Variants in NUDCD1 observed in about 807,000 individuals in gnomAD.
NUDCD1 encodes the protein nudC domain-containing protein 1.
In NUDCD1, 60 loss-of-function variants were observed where a neutral mutation model predicts 67.8. That is an observed-to-expected ratio of 0.88 (90% CI 0.72 to 1.10). The LOEUF (loss-of-function observed/expected upper bound fraction) is 1.10, where lower values mean the gene tolerates loss of function less well. Among genes scored for constraint, NUDCD1 ranks in the 50% least tolerant of loss-of-function variants. The pLI is 0.00. For missense variants in NUDCD1, 643 were observed against 695.0 expected (o/e 0.93, Z 0.84); for synonymous variants, 244 against 230.8 (o/e 1.06, Z -0.52).
Position 109,296,365 on chromosome 8 carries a change from G to T in NUDCD1, c.459+19C>A. On this transcript the variant is annotated intron_variant, in intron 3 of 9. Transcript: ENST00000239690. Reference sequence around the variant, plus strand: ...CATATACTTTCTGGACTTCGCATAAGTCTTAAACAAACCCTCACCTCCCAT... The same window carrying T: ...CATATACTTTCTGGACTTCGCATAATTCTTAAACAAACCCTCACCTCCCAT... 5 of 1,603,192 alleles carry T rather than the reference G, an allele frequency of 3.1e-6. No homozygotes were observed. The highest frequency in any genetic ancestry group is 4.3e-6 in the Non-Finnish European group (5 of 1,170,606).
chr8:109,287,834 T>G (rs549225357), intron 5 of NUDCD1, among the ~76,000 whole-genome samples: 1 of 152,272 alleles, frequency 6.6e-6, no homozygotes. Flanking sequence ...GGATGTAGAC[T>G]AAAGGTAAAG....
chr8:109,305,203 C>T (rs1176993643), intron 2 of NUDCD1, among the ~76,000 whole-genome samples: 1 of 152,188 alleles, frequency 6.6e-6, no homozygotes, highest in Non-Finnish European at 1.5e-5. Flanking sequence ...TACCCACATG[C>T]CCCGAGTCAG....
chr8:109,309,368 C>A (rs1225369936), intron 2 of NUDCD1, among the ~76,000 whole-genome samples: 1 of 152,148 alleles, frequency 6.6e-6, no homozygotes, highest in Non-Finnish European at 1.5e-5. Context: ...ATCACATGAT[C>A]ATCTCAATAG....
At chr8:109,251,288 T>A (rs780169740) in intron 8 of NUDCD1, among the ~76,000 whole-genome samples, 64 of 151,184 alleles carry the variant, frequency 4.2e-4, no homozygotes, top group Admixed American at 8.6e-4. Context: ...ATTCTCTGCC[T>A]CAGTCTCTCG....
chr8:109,281,967 C>A (rs559528637), intron 5 of NUDCD1, among the ~76,000 whole-genome samples: 1 of 152,304 alleles, frequency 6.6e-6, no homozygotes, highest in Admixed American at 6.5e-5. Context: ...GCTCCAGGCA[C>A]CTGGAGCTCT....
intron 1 of NUDCD1, 31 bp from the exon 2 acceptor site, chr8:109,322,494 C>G: frequency 6.4e-7 from 1 of 1,558,338 alleles, no homozygotes; most frequent in Non-Finnish European, 8.8e-7. Context: ...ACATAAACAT[C>G]AAGAGTTTTG....
At chr8:109,332,481 G>A (rs1815830868) in intron 1 of NUDCD1, among the ~76,000 whole-genome samples, 1 of 152,198 alleles carries the variant, frequency 6.6e-6, no homozygotes, top group South Asian at 2.1e-4. Flanking sequence ...AGGAGACCAT[G>A]TGAAAGAATC....
intron 2 of NUDCD1, chr8:109,298,529 CTAAG>C (rs751978401): frequency 6.6e-6 from 1 of 152,046 alleles, no homozygotes; most frequent in Non-Finnish European, 1.5e-5. Context: ...GATCAAGTGT[CTAAG>C]TGTGTTAAAG....
At chr8:109,276,655 G>A (rs1814296384) in intron 6 of NUDCD1, among the ~76,000 whole-genome samples, 1 of 152,046 alleles carries the variant, frequency 6.6e-6, no homozygotes, top group Admixed American at 6.6e-5. Context: ...CCCAGATTTA[G>A]TTACATCTTT....
At chr8:109,304,446 T>A (rs1316030674) in intron 2 of NUDCD1, among the ~76,000 whole-genome samples, 2 of 152,190 alleles carry the variant, frequency 1.3e-5, no homozygotes, top group Non-Finnish European at 2.9e-5. Context: ...CAGGCTATGC[T>A]ATAGTATCTT....
intron 5 of NUDCD1, among the ~76,000 whole-genome samples, chr8:109,288,701 C>T (rs1814629301): frequency 6.6e-6 from 1 of 152,030 alleles, no homozygotes; most frequent in African/African-American, 2.4e-5. Context: ...TCTTTTATTT[C>T]TTTACTTTCT....
intron 2 of NUDCD1, among the ~76,000 whole-genome samples, chr8:109,319,995 G>C (rs1815494949): frequency 6.6e-6 from 1 of 152,190 alleles, no homozygotes; most frequent in Admixed American, 6.5e-5. Context: ...ATTTTCAAAA[G>C]GGGAGGGAGT....
chr8:109,303,595 CT>C (rs2130069538), intron 2 of NUDCD1, among the ~76,000 whole-genome samples: 1 of 152,196 alleles, frequency 6.6e-6, no homozygotes, highest in African/African-American at 2.4e-5. Context: ...AAATTATCTG[CT>C]TCCCTGACTA....
intron 8 of NUDCD1, among the ~76,000 whole-genome samples, chr8:109,267,886 G>A (rs1814040647): frequency 6.6e-6 from 1 of 152,146 alleles, no homozygotes; most frequent in African/African-American, 2.4e-5. Flanking sequence ...TTATTCAGAA[G>A]TAAGTACTAA....
intron 8 of NUDCD1, among the ~76,000 whole-genome samples, chr8:109,249,792 C>T (rs1190519254): frequency 2.0e-5 from 3 of 150,380 alleles, no homozygotes; most frequent in East Asian, 1.9e-4. Flanking sequence ...ATATAATTTA[C>T]GGAGAGACAT....
At position 109,293,344 on chromosome 8, in the gene NUDCD1, C is replaced by T; in HGVS notation, c.640G>A (p.Asp214Asn). ...AGACAGATTCAGACTTTTGTTTTAC[C>T]TTGATTTTTCTTACTGATAGTGACC... is the stretch of plus-strand genomic sequence containing the variant. ...EWVTISKKNQ[D>N]NKKYEIIKRD... Residue 214 changes from aspartate to asparagine, a missense_variant and splice_region_variant, in exon 4 of 10, where the codon GAT becomes AAT. Physicochemically the swap from Asp to Asn is conservative, Grantham distance 23. Transcript: ENST00000239690. 6.6e-7 allele frequency: 1 copy of T among 1,525,014 alleles called. No homozygotes were observed. Among genetic ancestry groups the T allele is most frequent in the Non-Finnish European group, 8.8e-7 (1 of 1,132,948 alleles). The allele number at this position is 1,525,014 out of a possible 1,614,324, so 94.5% of individuals were successfully genotyped here.
chr8:109,277,937 C>A (rs1220830332), intron 6 of NUDCD1, among the ~76,000 whole-genome samples: 2 of 152,138 alleles, frequency 1.3e-5, no homozygotes, highest in African/African-American at 4.8e-5. Context: ...AACAAAATCA[C>A]CAAATGTCTT....
At chr8:109,291,365 A>T (rs1047161762) in intron 4 of NUDCD1, among the ~76,000 whole-genome samples, 21 of 152,134 alleles carry the variant, frequency 1.4e-4, no homozygotes, top group Admixed American at 2.6e-4. Context: ...GACTGGTCTC[A>T]AACTCCTGGG....
intron 2 of NUDCD1, among the ~76,000 whole-genome samples, chr8:109,302,212 T>C (rs2130064965): frequency 6.6e-6 from 1 of 152,296 alleles, no homozygotes; most frequent in East Asian, 1.9e-4. Flanking sequence ...AACTAAACAA[T>C]GATTCTAAAT....
Sources: allele counts gnomAD v4.1 joint callset (sites outside exome capture counted in the v4.1 genomes callset), GRCh38; gene constraint gnomAD v4.1.1; transcripts MANE v1.5; gene names NCBI Gene and HGNC (gene_info 2026-07-23, HGNC 2026-07-21).